UNC13C: variants seen among roughly 807,000 people sequenced by gnomAD.
UNC13C encodes the protein unc-13 homolog C.
UNC13C carries 174 observed loss-of-function variants against 245.4 expected under a neutral mutation model. The ratio of observed to expected loss-of-function variants is 0.71; its 90% CI spans 0.63 to 0.80. UNC13C has a LOEUF of 0.80. UNC13C is among the 30% of genes least tolerant of loss of function. The pLI, the probability that UNC13C is intolerant of heterozygous loss-of-function variation, is 0.00. For missense variants in UNC13C, 2,829 were observed against 2,602.9 expected (o/e 1.09, Z -1.89); for synonymous variants, 992 against 895.1 (o/e 1.11, Z -1.93).
At chr15:54,229,510 G>A (rs948828256) in intron 4 of UNC13C, among the ~76,000 whole-genome samples, 1 of 151,912 alleles carries the variant, frequency 6.6e-6, no homozygotes, top group Non-Finnish European at 1.5e-5. Flanking sequence ...TTAAATGATT[G>A]GAATAATTGT....
intron 4 of UNC13C, among the ~76,000 whole-genome samples, chr15:54,194,116 T>C (rs1567086080): frequency 6.6e-6 from 1 of 152,116 alleles, no homozygotes; most frequent in Admixed American, 6.6e-5. Context: ...TTAAATTTAG[T>C]AGGAAGCAAG....
At chr15:54,217,207 A>G (rs983630421) in intron 4 of UNC13C, among the ~76,000 whole-genome samples, 14 of 151,654 alleles carry the variant, frequency 9.2e-5, no homozygotes, top group African/African-American at 3.2e-4. Context: ...TCATAGAAAA[A>G]TGAACTTGGT....
intron 19 of UNC13C, among the ~76,000 whole-genome samples, chr15:54,481,187 A>G (rs1200971053): frequency 8.1e-6 from 1 of 123,652 alleles, no homozygotes; most frequent in Non-Finnish European, 1.7e-5. Context: ...ATGGCAATGC[A>G]TTGCTGTGGA....
At chr15:54,057,721 C>T (rs537495831) in intron 2 of UNC13C, among the ~76,000 whole-genome samples, 161 of 152,288 alleles carry the variant, frequency 1.1e-3, no homozygotes, top group African/African-American at 3.8e-3. Context: ...GTAAAGCACT[C>T]CTCAGAAAAT....
chr15:54,200,253 G>A (rs1235345832), intron 4 of UNC13C, among the ~76,000 whole-genome samples: 2 of 152,094 alleles, frequency 1.3e-5, no homozygotes, highest in African/African-American at 4.8e-5. Flanking sequence ...ATACTCCACT[G>A]ACAGCATTAG....
At chr15:54,087,129 G>A (rs1899289486) in intron 2 of UNC13C, among the ~76,000 whole-genome samples, 1 of 152,026 alleles carries the variant, frequency 6.6e-6, no homozygotes. Context: ...ATTTAGATGT[G>A]TCATTCACCT....
intron 30 of UNC13C, among the ~76,000 whole-genome samples, chr15:54,594,774 G>A (rs1375317391): frequency 6.6e-6 from 1 of 152,192 alleles, no homozygotes; most frequent in Non-Finnish European, 1.5e-5. Flanking sequence ...AGCTTCCACA[G>A]TAGGGATGTG....
intron 30 of UNC13C, among the ~76,000 whole-genome samples, chr15:54,593,027 T>C (rs895649331): frequency 6.6e-6 from 1 of 152,142 alleles, no homozygotes; most frequent in African/African-American, 2.4e-5. Flanking sequence ...CTCTCAGCAT[T>C]TGTTTGTCTG....
chr15:54,509,447 A>AACACTTTGG (rs1894639753), intron 23 of UNC13C, among the ~76,000 whole-genome samples: 2 of 152,182 alleles, frequency 1.3e-5, no homozygotes, highest in South Asian at 4.1e-4. Context: ...TAAACTCAGA[A>AACACTTTGG]ACACTTTGGC....
chr15:54,187,523 A>G (rs2141317823), intron 4 of UNC13C, among the ~76,000 whole-genome samples: 1 of 152,276 alleles, frequency 6.6e-6, no homozygotes, highest in South Asian at 2.1e-4. Flanking sequence ...AGGTTTCTCT[A>G]CAGCTGGCCC....
chr15:54,249,248 C>A (rs115348822), intron 7 of UNC13C, among the ~76,000 whole-genome samples: 3,840 of 150,266 alleles, frequency 0.026, 161 homozygotes, highest in African/African-American at 0.09. Context: ...TTTTTTTTTA[C>A]ATCCAGCATC....
At chr15:54,091,740 T>C (rs1182453438) in intron 2 of UNC13C, among the ~76,000 whole-genome samples, 1 of 149,318 alleles carries the variant, frequency 6.7e-6, no homozygotes, top group Non-Finnish European at 1.5e-5. Context: ...AATTTTGTTA[T>C]CTCTTATAGT....
At chr15:54,123,472 A>C (rs1025623268) in intron 2 of UNC13C, among the ~76,000 whole-genome samples, 4 of 151,800 alleles carry the variant, frequency 2.6e-5, no homozygotes, top group African/African-American at 9.7e-5. Context: ...TCATTTTCTT[A>C]AAGATATCTT....
chr15:54,503,583 C>T (rs368930726), intron 22 of UNC13C, among the ~76,000 whole-genome samples: 1 of 151,982 alleles, frequency 6.6e-6, no homozygotes, highest in South Asian at 2.1e-4. Flanking sequence ...CAGGTGTTCA[C>T]CACCATACCC....
intron 2 of UNC13C, among the ~76,000 whole-genome samples, chr15:54,132,026 C>T (rs957355627): frequency 6.7e-6 from 1 of 149,130 alleles, no homozygotes. Context: ...ATATCTTTAA[C>T]ATCCTTATGA....
chr15:54,320,847 T>C, intron 13 of UNC13C: 1 of 322,156 alleles, frequency 3.1e-6, no homozygotes, highest in Non-Finnish European at 6.1e-6. Context: ...GCCTCCAAAG[T>C]TTCTACCCTT....
chr15:54,014,919 C>T lies in UNC13C; in HGVS notation c.2016C>T (p.Thr672=). 5 of 1,613,816 alleles carry T rather than the reference C, an allele frequency of 3.1e-6. No homozygotes were observed. Among genetic ancestry groups the T allele is most frequent in the Non-Finnish European group, 4.2e-6 (5 of 1,179,832 alleles). The change falls in exon 2 of 33, where the codon ACC becomes ACT. Residue 672 remains threonine, a synonymous_variant. Coordinates refer to ENST00000260323, the MANE Select transcript of UNC13C (RefSeq NM_001080534.3). Reference sequence around the variant, plus strand: ...CTGATTTAGGCTTGGATTCATCCACCCAGGAAGGTTTTGATTATGAAACAA... The same window carrying T: ...CTGATTTAGGCTTGGATTCATCCACTCAGGAAGGTTTTGATTATGAAACAA... ...QGADLGLDSS[T]QEGFDYETNS... is the part of the protein sequence containing the mutation.
chr15:53,976,821 T>C (rs1893723319), upstream of UNC13C: 2 of 152,210 alleles, frequency 1.3e-5, no homozygotes, highest in Admixed American at 6.5e-5. Context: ...TACTTTGCAG[T>C]GGTTATTTCA....
intron 22 of UNC13C, among the ~76,000 whole-genome samples, chr15:54,506,878 A>G (rs1286178161): frequency 6.6e-6 from 1 of 151,672 alleles, no homozygotes; most frequent in Admixed American, 6.6e-5. Context: ...GTGCAAACAC[A>G]TTCATGCATC....
Sources: allele counts gnomAD v4.1 joint callset (sites outside exome capture counted in the v4.1 genomes callset), GRCh38; gene constraint gnomAD v4.1.1; transcripts MANE v1.5; gene names NCBI Gene and HGNC (gene_info 2026-07-23, HGNC 2026-07-21).